The following SHANK2 variants were observed in gnomAD, a reference collection of about 807,000 sequenced individuals.
SHANK2 encodes SH3 and multiple ankyrin repeat domains 2, also known as SH3 and multiple ankyrin repeat domains protein 2.
SHANK2 carries 43 observed loss-of-function variants against 133.7 expected under a neutral mutation model. The observed-to-expected ratio is 0.32, with a 90% confidence interval of 0.25 to 0.41. The LOEUF is 0.41. Ranked by LOEUF, SHANK2 falls within the 10% of genes least tolerant of loss-of-function variation. The probability of loss-of-function intolerance (pLI) is 1.00; values close to 1 mark genes in which losing one functional copy is unlikely to be tolerated. For missense variants in SHANK2, 1,994 were observed against 2,235.8 expected (o/e 0.89, Z 2.18); for synonymous variants, 1,017 against 952.8 (o/e 1.07, Z -1.24).
intron 17 of SHANK2, among the ~76,000 whole-genome samples, chr11:70,530,419 C>T (rs1235839268): frequency 2.0e-5 from 3 of 152,040 alleles, no homozygotes; most frequent in Admixed American, 2.0e-4. Context: ...GCCTGTAATC[C>T]CAGTTAATCG....
At chr11:70,546,014 G>A (rs1321456078) in intron 17 of SHANK2, among the ~76,000 whole-genome samples, 1 of 152,098 alleles carries the variant, frequency 6.6e-6, no homozygotes, top group African/African-American at 2.4e-5. Flanking sequence ...GCAAATGGGG[G>A]GTGCAGAGCT....
chr11:70,849,961 C>T (rs1385923439), intron 11 of SHANK2, among the ~76,000 whole-genome samples: 8 of 152,104 alleles, frequency 5.3e-5, no homozygotes, highest in Non-Finnish European at 8.8e-5. Context: ...TTTCATCTTC[C>T]CAAACTGAAA....
intron 11 of SHANK2, among the ~76,000 whole-genome samples, chr11:70,890,670 G>A (rs1316288126): frequency 4.6e-5 from 7 of 151,718 alleles, no homozygotes; most frequent in Non-Finnish European, 7.4e-5. Flanking sequence ...ATGGTAGCGC[G>A]TGCCTGTAAT....
chr11:70,482,637 T>A (rs1441791875), intron 25 of SHANK2, among the ~76,000 whole-genome samples: 1 of 152,214 alleles, frequency 6.6e-6, no homozygotes, highest in African/African-American at 2.4e-5. Context: ...TGGAATGTAG[T>A]GCCTGGCGTT....
At chr11:71,179,104 T>C (rs1953501115) in intron 2 of SHANK2, among the ~76,000 whole-genome samples, 1 of 152,240 alleles carries the variant, frequency 6.6e-6, no homozygotes. Context: ...ATGCCTTCTG[T>C]GAGGCCAATA....
At chr11:70,651,700 C>A (rs1261955346) in intron 17 of SHANK2, among the ~76,000 whole-genome samples, 1 of 152,348 alleles carries the variant, frequency 6.6e-6, no homozygotes, top group East Asian at 1.9e-4. Flanking sequence ...AAGAGGGATG[C>A]AGGACAGACC....
At chr11:70,533,195 C>T (rs530399781) in intron 17 of SHANK2, among the ~76,000 whole-genome samples, 24 of 152,184 alleles carry the variant, frequency 1.6e-4, no homozygotes, top group East Asian at 9.7e-4. Flanking sequence ...GTGATTGTGT[C>T]GAATATCACT....
At chr11:71,197,720 G>T (rs1430184274) in intron 2 of SHANK2, among the ~76,000 whole-genome samples, 6 of 152,178 alleles carry the variant, frequency 3.9e-5, no homozygotes, top group East Asian at 1.9e-4. Flanking sequence ...GCGCAATCTT[G>T]ACTCACTGCA....
chr11:70,724,053 T>G (rs11237291), intron 14 of SHANK2, among the ~76,000 whole-genome samples: 15,727 of 141,482 alleles, frequency 0.11, 1,005 homozygotes, highest in South Asian at 0.32. Flanking sequence ...TTTTTTTTTT[T>G]GAGATGGAGT....
At position 70,473,244 on chromosome 11, in the gene SHANK2, G is replaced by T. The variant is rs553103084; in HGVS notation, c.5175C>A (p.Pro1725=). The T allele has an allele frequency of 9.9e-6, 16 of 1,610,450 alleles. No individual in the cohort carries two copies. The highest frequency in any genetic ancestry group is 2.2e-5 in the East Asian group (1 of 44,764). The change falls in exon 26 of 26, where the codon CCC becomes CCA. Residue 1725 remains proline, a synonymous_variant. Transcript: ENST00000601538. The surrounding 1 kb of genome is among the most constrained non-coding windows in gnomAD (Gnocchi z 5.9). ...TEMNKETLPA[P]LSAATASPSP... is the part of the protein sequence containing the mutation. ...AAGGAGAGGCGGTGGCAGCAGACAG[G>T]GGGGCGGGCAGGGTCTCTTTGTTCA...
chr11:71,086,165 TATATA>T (rs1287868045), intron 8 of SHANK2, among the ~76,000 whole-genome samples: 225 of 11,868 alleles, frequency 0.019, 24 homozygotes, highest in Non-Finnish European at 0.031. Context: ...TATATTAAAT[TATATA>T]ATATATTATG....
intron 10 of SHANK2, among the ~76,000 whole-genome samples, chr11:70,929,214 A>G (rs1307265904): frequency 2.6e-5 from 4 of 152,190 alleles, no homozygotes; most frequent in Admixed American, 2.0e-4. Flanking sequence ...GAGGGGTAGA[A>G]TGGAGAGACA....
chr11:70,647,067 C>T (rs1249074667), intron 17 of SHANK2, among the ~76,000 whole-genome samples: 8 of 151,800 alleles, frequency 5.3e-5, no homozygotes, highest in Admixed American at 1.3e-4. Context: ...GGTTTCACCA[C>T]GTTGGCCAGG....
rs114988204 is a variant in SHANK2, at chr11:70,620,981, C to T, written c.2061+38847G>A. On this transcript the variant is annotated intron_variant, in intron 17 of 25. Coordinates refer to ENST00000601538, the MANE Select transcript of SHANK2 (RefSeq NM_012309.5). Reference sequence around the variant, plus strand: ...CAAACTGAATAAGACATGTGGGGTCCGGTATGACGTAATATCTGTGTGACC... The same window carrying T: ...CAAACTGAATAAGACATGTGGGGTCTGGTATGACGTAATATCTGTGTGACC... 3.9e-3 allele frequency among the ~76,000 whole-genome samples: 587 copies of T among 152,262 alleles called. 4 individuals carry two copies. Among genetic ancestry groups the T allele is most frequent in the African/African-American group, 0.013 (553 of 41,540 alleles).
intron 10 of SHANK2, among the ~76,000 whole-genome samples, chr11:70,924,489 C>T (rs1402253356): frequency 6.6e-6 from 1 of 152,166 alleles, no homozygotes; most frequent in Admixed American, 6.5e-5. Context: ...CAAAGTCTTG[C>T]TCTGTCACCC....
intron 17 of SHANK2, among the ~76,000 whole-genome samples, chr11:70,636,724 C>A (rs1223270114): frequency 2.7e-5 from 4 of 147,964 alleles, no homozygotes; most frequent in African/African-American, 1.0e-4. Context: ...TGCGAGGATG[C>A]ATGATGTGTG....
At chr11:70,783,263 G>A (rs371468371) in intron 14 of SHANK2, among the ~76,000 whole-genome samples, 2 of 152,154 alleles carry the variant, frequency 1.3e-5, no homozygotes, top group African/African-American at 2.4e-5. Context: ...CAGGGTTGCA[G>A]AATTCAGAAA....
chr11:70,945,277 T>G (rs1350150779), intron 10 of SHANK2, among the ~76,000 whole-genome samples: 1 of 151,892 alleles, frequency 6.6e-6, no homozygotes, highest in African/African-American at 2.4e-5. Context: ...GGCCCTGGGG[T>G]GAGCATGTGT....
chr11:71,068,124 C>T (rs1951092243), intron 9 of SHANK2, among the ~76,000 whole-genome samples: 1 of 152,156 alleles, frequency 6.6e-6, no homozygotes, highest in Admixed American at 6.5e-5. Flanking sequence ...CGTCACTCAC[C>T]ATGAACATGA....
Sources: allele counts gnomAD v4.1 joint callset (sites outside exome capture counted in the v4.1 genomes callset), GRCh38; gene constraint gnomAD v4.1.1; non-coding constraint Gnocchi (gnomAD v3.1); transcripts MANE v1.5; gene names NCBI Gene and HGNC (gene_info 2026-07-23, HGNC 2026-07-21).